Variants in TMEFF1 observed in about 807,000 individuals in gnomAD.
TMEFF1 encodes the protein transmembrane protein with EGF like and two follistatin like domains 1, also known as tomoregulin-1.
In TMEFF1, 20 loss-of-function variants were observed where a neutral mutation model predicts 47.5. That is an observed-to-expected ratio of 0.42 (90% CI 0.30 to 0.61). TMEFF1 has a LOEUF of 0.61. Ranked by LOEUF, TMEFF1 falls within the 20% of genes least tolerant of loss-of-function variation. The probability of loss-of-function intolerance (pLI) is 0.19; values close to 1 mark genes in which losing one functional copy is unlikely to be tolerated. For missense variants in TMEFF1, 411 were observed against 471.1 expected (o/e 0.87, Z 1.18); for synonymous variants, 162 against 166.3 (o/e 0.97, Z 0.20).
chr9:100,494,096 A>C (rs1837607557), intron 1 of TMEFF1, among the ~76,000 whole-genome samples: 1 of 150,658 alleles, frequency 6.6e-6, no homozygotes, highest in Non-Finnish European at 1.5e-5. Flanking sequence ...AGGCCCAGCT[A>C]TTTGGGAAGC....
intron 4 of TMEFF1, among the ~76,000 whole-genome samples, chr9:100,515,031 G>T (rs963443497): frequency 6.6e-6 from 1 of 151,732 alleles, no homozygotes; most frequent in Admixed American, 6.6e-5. Context: ...AAAAAGCCAG[G>T]TGTGGTGGTA....
intron 2 of TMEFF1, among the ~76,000 whole-genome samples, chr9:100,499,420 G>T (rs1318421608): frequency 6.6e-6 from 1 of 152,076 alleles, no homozygotes; most frequent in East Asian, 1.9e-4. Context: ...GTAAAACAAG[G>T]GAAATAGTTA....
chr9:100,534,269 A>T (rs532494175), intron 5 of TMEFF1, among the ~76,000 whole-genome samples: 2 of 152,192 alleles, frequency 1.3e-5, no homozygotes, highest in Non-Finnish European at 2.9e-5. Context: ...ATGAATAGAG[A>T]AAACACTGGT....
chr9:100,524,405 G>A (rs576792489), intron 5 of TMEFF1, among the ~76,000 whole-genome samples: 3 of 152,314 alleles, frequency 2.0e-5, no homozygotes, highest in East Asian at 3.9e-4. Flanking sequence ...AAGGCTTACG[G>A]AAGACACTTT....
intron 7 of TMEFF1, 102 bp downstream of exon 7, chr9:100,550,262 C>A: frequency 1.7e-6 from 2 of 1,169,978 alleles, no homozygotes; most frequent in Non-Finnish European, 2.4e-6. Context: ...TCTAACTTTG[C>A]TCTCTATAGT....
intron 5 of TMEFF1, among the ~76,000 whole-genome samples, chr9:100,529,528 A>C (rs1340148147): frequency 2.0e-5 from 3 of 150,742 alleles, no homozygotes; most frequent in African/African-American, 7.3e-5. Context: ...GATCAATTCA[A>C]CAAGAAGAGC....
At chr9:100,562,849 C>T (rs916224198) in intron 8 of TMEFF1, among the ~76,000 whole-genome samples, 2 of 150,494 alleles carry the variant, frequency 1.3e-5, no homozygotes, top group Admixed American at 6.6e-5. Context: ...GATGGAGTCT[C>T]GCTCTGTCAC....
At chr9:100,518,987 G>A (rs1243804978) in intron 5 of TMEFF1, among the ~76,000 whole-genome samples, 3 of 152,042 alleles carry the variant, frequency 2.0e-5, no homozygotes, top group Non-Finnish European at 4.4e-5. Flanking sequence ...TTATTAAGAT[G>A]TTACATAATT....
At chr9:100,512,555 C>G (rs973115379) in intron 3 of TMEFF1, among the ~76,000 whole-genome samples, 1 of 152,150 alleles carries the variant, frequency 6.6e-6, no homozygotes, top group East Asian at 1.9e-4. Context: ...TTTAAAATGA[C>G]TCTGTGCTGA....
At chr9:100,561,638 G>A in intron 8 of TMEFF1, 118 bp downstream of exon 8, 4 of 1,313,330 alleles carry the variant, frequency 3.0e-6, no homozygotes, top group South Asian at 5.3e-5. Context: ...ATTTGCAGTA[G>A]ACAAGTAAAA....
intron 8 of TMEFF1, among the ~76,000 whole-genome samples, chr9:100,570,282 A>G (rs1044850380): frequency 6.6e-6 from 1 of 152,280 alleles, no homozygotes; most frequent in African/African-American, 2.4e-5. Context: ...TTTATTTCCT[A>G]TAGTTATATA....
chr9:100,507,225 G>A (rs10989121), intron 2 of TMEFF1, among the ~76,000 whole-genome samples: 27,862 of 152,044 alleles, frequency 0.18, 2,755 homozygotes, highest in South Asian at 0.31. Flanking sequence ...ATTCCTTGGT[G>A]TATATATACC....
intron 3 of TMEFF1, among the ~76,000 whole-genome samples, chr9:100,510,487 T>C (rs1837941509): frequency 6.6e-6 from 1 of 152,192 alleles, no homozygotes; most frequent in African/African-American, 2.4e-5. Flanking sequence ...TTTTTCTTTA[T>C]GAGACTGCAT....
At chr9:100,564,178 G>A (rs1269564956) in intron 8 of TMEFF1, among the ~76,000 whole-genome samples, 2 of 152,134 alleles carry the variant, frequency 1.3e-5, no homozygotes, top group African/African-American at 4.8e-5. Context: ...AGGTTCAAGC[G>A]ATTCTCTTGC....
At chr9:100,546,056 A>C (rs1372853327) in intron 5 of TMEFF1, among the ~76,000 whole-genome samples, 1 of 151,958 alleles carries the variant, frequency 6.6e-6, no homozygotes, top group African/African-American at 2.4e-5. Flanking sequence ...AGCCCTCCAA[A>C]CTGTTCCAAC....
chr9:100,555,162 G>GACACACACAC (rs112017161), intron 7 of TMEFF1, among the ~76,000 whole-genome samples: 83 of 144,480 alleles, frequency 5.7e-4, no homozygotes, highest in African/African-American at 1.9e-3. Context: ...TGTACACACA[G>GACACACACAC]ACACACACAC....
At chr9:100,535,424 C>T (rs1286417868) in intron 5 of TMEFF1, among the ~76,000 whole-genome samples, 2 of 152,118 alleles carry the variant, frequency 1.3e-5, no homozygotes, top group Admixed American at 6.5e-5. Flanking sequence ...TTTTTTGAAT[C>T]ATCCCTTTTA....
At chr9:100,509,398 TTTGCC>T (rs1394593572) in intron 3 of TMEFF1, among the ~76,000 whole-genome samples, 22 of 152,172 alleles carry the variant, frequency 1.4e-4, no homozygotes, top group African/African-American at 4.1e-4. Context: ...TTGCATGTCC[TTTGCC>T]TTATGATTTG....
intron 7 of TMEFF1, among the ~76,000 whole-genome samples, chr9:100,555,787 A>T (rs567236443): frequency 2.6e-5 from 4 of 152,356 alleles, no homozygotes; most frequent in African/African-American, 9.6e-5. Flanking sequence ...TTCATAAGTG[A>T]CATCAGTAGG....
Sources: allele counts gnomAD v4.1 joint callset (sites outside exome capture counted in the v4.1 genomes callset), GRCh38; gene constraint gnomAD v4.1.1; transcripts MANE v1.5; gene names NCBI Gene and HGNC (gene_info 2026-07-23, HGNC 2026-07-21).